Variants in CDX2 observed in about 807,000 individuals in gnomAD.
CDX2 encodes caudal type homeobox 2.
Under a neutral mutation model 25.5 loss-of-function variants are expected in CDX2, and 7 were observed. The ratio of observed to expected loss-of-function variants is 0.27; its 90% CI spans 0.16 to 0.52. The LOEUF (loss-of-function observed/expected upper bound fraction) is 0.52, where lower values mean the gene tolerates loss of function less well. Among genes scored for constraint, CDX2 ranks in the 20% least tolerant of loss-of-function variants. The pLI is 0.97. For missense variants in CDX2, 375 were observed against 431.4 expected (o/e 0.87, Z 1.16); for synonymous variants, 222 against 198.6 (o/e 1.12, Z -0.99).
chr13:27,968,548 G>C lies in CDX2; in HGVS notation c.459C>G (p.Ala153=), dbSNP rs763717600. Residue 153 remains alanine, a synonymous_variant, in exon 1 of 3, where the codon GCC becomes GCG. Transcript: ENST00000381020. ...GPPGPAATAA[A]EQLSPGGQRR... ...GCTGGCCGCCGGGAGACAGCTGCTC[G>C]GCGGCAGCGGTGGCGGCGGGCCCAG... 12 of 1,568,654 alleles carry C rather than the reference G, an allele frequency of 7.6e-6. No homozygotes were observed. The South Asian group carries it at 8.0e-5, about 10-fold the overall frequency.
At chr13:27,968,399 C>A in intron 1 of CDX2, 67 bp downstream of exon 1, 1 of 1,394,860 alleles carries the variant, frequency 7.2e-7, no homozygotes, top group Non-Finnish European at 9.2e-7. Flanking sequence ...ACGCGCGACG[C>A]GCAGCAGCCA....
chr13:27,962,628 G>T lies in CDX2; in HGVS notation c.*487C>A, dbSNP rs763386690. 1.2e-4 allele frequency: 28 copies of T among 233,912 alleles called. No homozygotes were observed. Among genetic ancestry groups the T allele is most frequent in the Non-Finnish European group, 2.0e-4 (24 of 118,382 alleles). The allele number at this position is 233,912 out of a possible 1,614,324, so 14.5% of individuals were successfully genotyped here. A position where few individuals can be genotyped will look rare whatever the true frequency, so the allele number is the denominator to read the frequency against. On this transcript the variant is annotated 3_prime_UTR_variant, in exon 3 of 3. Transcript: ENST00000381020. ...TCTATCTTAGCTGCCTTTGGCTTCC[G>T]CAGTGTAAACCTTGCCTGCCCGGAG...
rs950683195 is a variant in CDX2, at chr13:27,964,727, A to T, written c.687+143T>A. On this transcript the variant is annotated intron_variant, in intron 2 of 2. Coordinates refer to ENST00000381020, the MANE Select transcript of CDX2 (RefSeq NM_001265.6). The surrounding 1 kb of genome is among the most constrained non-coding windows in gnomAD (Gnocchi z 4.7). ...TCTGTTTAAAAAAAAAAAAAAAAAA[A>T]AAAAGGACTCCAAAGACGAATGCTT... 7.8e-5 allele frequency: 52 copies of T among 667,434 alleles called. No homozygotes were observed. Among genetic ancestry groups the T allele is most frequent in the Non-Finnish European group, 1.2e-4 (47 of 406,576 alleles). 41.3% of individuals were successfully genotyped at this position (667,434 alleles called of 1,614,324 possible).
In CDX2 at chr13:27,964,927, G is replaced by A; in HGVS notation, c.630C>T (p.Tyr210=). 1.2e-6 allele frequency: 2 copies of A among 1,614,132 alleles called. No individual in the cohort carries two copies. Among genetic ancestry groups the A allele is most frequent in the Non-Finnish European group, 1.7e-6 (2 of 1,180,012 alleles). Residue 210 remains tyrosine, a synonymous_variant, in exon 2 of 3, where the codon TAC becomes TAT. Coordinates refer to ENST00000381020, the MANE Select transcript of CDX2 (RefSeq NM_001265.6). This position sits in a 1 kb window ranked among gnomAD's most constrained non-coding sequence, Gnocchi z 4.7. The part of the protein sequence containing the change: ...ELEKEFHYSR[Y]ITIRRKAELA... ...GCTCGGCTTTCCTCCGGATGGTGATGTAGCGACTGTAGTGAAACTCCTTCT... is the reference window on the plus strand; with the variant it reads ...GCTCGGCTTTCCTCCGGATGGTGATATAGCGACTGTAGTGAAACTCCTTCT...
Position 27,961,479 on chromosome 13 carries a change from G to A in CDX2, c.*1636C>T, listed in dbSNP as rs1191403585. ...AGCCCGGTCCCCAGTGGATCGGCCA[G>A]ATAACAAGAAACTGTCACTAAAAGG... On this transcript the variant is annotated 3_prime_UTR_variant, in exon 3 of 3. Transcript: ENST00000381020. Among the ~76,000 whole-genome samples the A allele has an allele frequency of 2.0e-5, 3 of 152,128 alleles. No individual in the cohort carries two copies. The highest frequency in any genetic ancestry group is 4.4e-5 in the Non-Finnish European group (3 of 68,030).
chr13:27,965,149 G>T, intron 1 of CDX2, 134 bp from the exon 2 acceptor site: 2 of 950,052 alleles, frequency 2.1e-6, no homozygotes, highest in Non-Finnish European at 3.1e-6. Context: ...GCTGGTTCCT[G>T]CCAAGTCTGA....
At position 27,961,234 on chromosome 13, in the gene CDX2, G is replaced by A. The variant is rs1190969697; in HGVS notation, c.*1881C>T. Among the ~76,000 whole-genome samples the A allele has an allele frequency of 6.6e-6, 1 of 152,244 alleles. No homozygotes were observed. Among genetic ancestry groups the A allele is most frequent in the African/African-American group, 2.4e-5 (1 of 41,468 alleles). Reference sequence around the variant, plus strand: ...GGAGCTGTATACGCCACCCGGAAGGGCCGCGGAATTGGAGAGGTGCTGCAG... The same window carrying A: ...GGAGCTGTATACGCCACCCGGAAGGACCGCGGAATTGGAGAGGTGCTGCAG... On this transcript the variant is annotated 3_prime_UTR_variant, in exon 3 of 3. Coordinates refer to ENST00000381020, the MANE Select transcript of CDX2 (RefSeq NM_001265.6).
chr13:27,965,122 T>TGG, intron 1 of CDX2, 107 bp from the exon 2 acceptor site: 3 of 1,262,806 alleles, frequency 2.4e-6, no homozygotes, highest in South Asian at 2.9e-5. Flanking sequence ...TCCACCACCC[T>TGG]GGGGGGCCCG....
intron 1 of CDX2, among the ~76,000 whole-genome samples, chr13:27,968,162 C>T (rs1869429906): frequency 6.6e-6 from 1 of 152,258 alleles, no homozygotes; most frequent in Admixed American, 6.5e-5. Context: ...TCCAGCAGTG[C>T]TCACGCCGAC....
chr13:27,968,420 C>T, intron 1 of CDX2, 46 bp downstream of exon 1: 1 of 1,440,826 alleles, frequency 6.9e-7, no homozygotes, highest in Non-Finnish European at 9.0e-7. Context: ...CTGGCTCGAC[C>T]CGCGCCTTCC....
Position 27,968,646 on chromosome 13 carries a change from G to A in CDX2, c.361C>T (p.His121Tyr), listed in dbSNP as rs1169547453. 1.3e-6 allele frequency: 2 copies of A among 1,535,510 alleles called. No individual in the cohort carries two copies. Among genetic ancestry groups the A allele is most frequent in the Non-Finnish European group, 1.7e-6 (2 of 1,146,028 alleles). ...ADYHPHHHPH[H>Y]HPHHPAAAPS... ...GCGGCGGCCGGGTGGTGCGGGTGGTGATGCGGGTGGTGGTGCGGATGGTAG... is the reference window on the plus strand; with the variant it reads ...GCGGCGGCCGGGTGGTGCGGGTGGTAATGCGGGTGGTGGTGCGGATGGTAG... Residue 121 changes from histidine (H) to tyrosine (Y), a missense_variant, in exon 1 of 3, where the codon CAC (histidine) becomes TAC (tyrosine). By Grantham distance (83) the His-to-Tyr change is moderately conservative. Transcript: ENST00000381020.
In CDX2 at chr13:27,964,785, A is replaced by T; in HGVS notation, c.687+85T>A. ...CCTGCTTCAGTCTCTCCACAGATTT[A>T]GATGGCCCCTGCAGCCAGATTTTCT... On this transcript the variant is annotated intron_variant, in intron 2 of 2. Transcript: ENST00000381020. This position sits in a 1 kb window ranked among gnomAD's most constrained non-coding sequence, Gnocchi z 4.7. 2 of 1,267,978 alleles carry T rather than the reference A, an allele frequency of 1.6e-6. No homozygotes were observed. The highest frequency in any genetic ancestry group is 1.2e-5 in the South Asian group (1 of 82,520). 78.5% of individuals were successfully genotyped at this position (1,267,978 alleles called of 1,614,324 possible).
Position 27,963,145 on chromosome 13 carries a change from C to T in CDX2, c.912G>A (p.Gly304=). ...GSVPGVLGPT[G]GVLNPTVTQ ...GGGTGACGGTGGGGTTTAGCACCCC[C>T]CCAGTTGGCCCCAGAACCCCAGGGA... Residue 304 remains glycine (G), a synonymous_variant, in exon 3 of 3, where the codon GGG becomes GGA. Coordinates refer to ENST00000381020, the MANE Select transcript of CDX2 (RefSeq NM_001265.6). 1 of 1,614,018 alleles carries T rather than the reference C, an allele frequency of 6.2e-7. No homozygotes were observed.
intron 1 of CDX2, among the ~76,000 whole-genome samples, chr13:27,967,077 C>T (rs1012792451): frequency 6.6e-6 from 1 of 152,236 alleles, no homozygotes; most frequent in Non-Finnish European, 1.5e-5. Context: ...GGCCCTCACC[C>T]CGCGGCCGCT....
intron 1 of CDX2, among the ~76,000 whole-genome samples, chr13:27,967,957 C>T (rs74041504): frequency 0.029 from 4,369 of 152,304 alleles, 107 homozygotes; most frequent in African/African-American, 0.064. Context: ...CCCGGTCCCA[C>T]ACACAGCCTA....
At position 27,964,976 on chromosome 13, in the gene CDX2, G is replaced by T; in HGVS notation, c.581C>A (p.Thr194Lys). The T allele has an allele frequency of 6.2e-7, 1 of 1,613,968 alleles. No individual in the cohort carries two copies. Among genetic ancestry groups the T allele is most frequent in the Non-Finnish European group, 8.5e-7 (1 of 1,179,888 alleles). Reference sequence around the variant, plus strand: ...CTCCAGCTCCAGCCGCTGGTGGTCCGTGTACACCACTCGATATTTGTCTTT... The same window carrying T: ...CTCCAGCTCCAGCCGCTGGTGGTCCTTGTACACCACTCGATATTTGTCTTT... ...RTKDKYRVVYTDHQRLELEKE... is the reference protein window; with the variant it reads ...RTKDKYRVVYKDHQRLELEKE... Residue 194 changes from threonine (T) to lysine (K), a missense_variant, in exon 2 of 3, where the codon ACG becomes AAG. Thr to Lys is a moderately conservative substitution (Grantham distance 78). Around this residue, in one of 3 missense-constraint regions of CDX2, gnomAD observed 64 missense variants for 124.6 expected, o/e 0.51. Coordinates refer to ENST00000381020, the MANE Select transcript of CDX2 (RefSeq NM_001265.6). The surrounding 1 kb of genome is among the most constrained non-coding windows in gnomAD (Gnocchi z 4.7).
intron 1 of CDX2, among the ~76,000 whole-genome samples, chr13:27,965,898 C>G (rs1446913263): frequency 6.6e-6 from 1 of 152,210 alleles, no homozygotes; most frequent in Non-Finnish European, 1.5e-5. Flanking sequence ...TCTCTGGCTC[C>G]GTCCCACTTT....
chr13:27,968,101 C>T (rs1202240299), intron 1 of CDX2, among the ~76,000 whole-genome samples: 1 of 152,210 alleles, frequency 6.6e-6, no homozygotes, highest in Non-Finnish European at 1.5e-5. Context: ...CCAGGAGCCA[C>T]GCAAGGAATG....
intron 1 of CDX2, among the ~76,000 whole-genome samples, chr13:27,966,374 G>A (rs568722187): frequency 1.3e-3 from 205 of 152,300 alleles, no homozygotes; most frequent in Non-Finnish European, 6.5e-4. Context: ...TCGGACACGC[G>A]TGACCGCCTC....
Sources: allele counts gnomAD v4.1 joint callset (sites outside exome capture counted in the v4.1 genomes callset), GRCh38; gene constraint gnomAD v4.1.1; regional missense constraint gnomAD v4.1.1; non-coding constraint Gnocchi (gnomAD v3.1); transcripts MANE v1.5; gene names NCBI Gene and HGNC (gene_info 2026-07-23, HGNC 2026-07-21).